Variants in TASP1 observed in about 807,000 individuals in gnomAD.
TASP1 encodes the protein threonine aspartase 1.
Under a neutral mutation model 56.6 loss-of-function variants are expected in TASP1, and 16 were observed. The ratio of observed to expected loss-of-function variants is 0.28; its 90% CI spans 0.19 to 0.43. TASP1 has a LOEUF of 0.43. TASP1 is among the 20% of genes least tolerant of loss of function. The pLI, the probability that TASP1 is intolerant of heterozygous loss-of-function variation, is 1.00. For synonymous variants in TASP1, 179 were observed against 184.2 expected, an observed-to-expected ratio of 0.97 and a Z score of 0.23; for missense variants, 393 against 511.6, an observed-to-expected ratio of 0.77 and a Z score of 2.24.
the TASP1 span, among the ~76,000 whole-genome samples, chr20:13,152,010 C>T: frequency 2.6e-5 from 4 of 152,126 alleles, no homozygotes; most frequent in South Asian, 8.3e-4. Context: ...TAATCATAAT[C>T]CAAACAGCTG....
At chr20:13,134,919 G>A in the TASP1 span, among the ~76,000 whole-genome samples, 41 of 152,290 alleles carry the variant, frequency 2.7e-4, no homozygotes, top group East Asian at 7.5e-3. Context: ...CACCTTGCCT[G>A]TCCTTCAGTC....
the TASP1 span, among the ~76,000 whole-genome samples, chr20:13,380,188 G>A: frequency 6.6e-6 from 1 of 152,152 alleles, no homozygotes; most frequent in African/African-American, 2.4e-5. Flanking sequence ...TTTTGTGCTG[G>A]TTTTTCCTCA....
chr20:13,207,033 C>A, the TASP1 span, among the ~76,000 whole-genome samples: 1 of 152,250 alleles, frequency 6.6e-6, no homozygotes, highest in Middle Eastern at 3.4e-3. Flanking sequence ...TAAATAGGAA[C>A]CTGCATCATG....
the TASP1 span, among the ~76,000 whole-genome samples, chr20:13,357,608 C>T: frequency 6.6e-6 from 1 of 152,242 alleles, no homozygotes; most frequent in African/African-American, 2.4e-5. Flanking sequence ...GTCTTATATA[C>T]ACGTAAAATA....
intron 10 of TASP1, among the ~76,000 whole-genome samples, chr20:13,502,911 C>A (rs930555222): frequency 6.6e-6 from 1 of 152,000 alleles, no homozygotes. Flanking sequence ...GAGGGATGAC[C>A]CTTATCGCCC....
chr20:13,382,632 G>A, the TASP1 span, among the ~76,000 whole-genome samples: 1 of 152,212 alleles, frequency 6.6e-6, no homozygotes, highest in East Asian at 1.9e-4. Flanking sequence ...GGCAACAGAG[G>A]GAGACCTTGT....
At chr20:13,362,546 C>T in the TASP1 span, among the ~76,000 whole-genome samples, 3 of 148,308 alleles carry the variant, frequency 2.0e-5, no homozygotes, top group African/African-American at 7.7e-5. Context: ...CCTTTACCTA[C>T]CCAAATCCTA....
At chr20:13,132,836 G>T in the TASP1 span, 1 of 151,922 alleles carries the variant, frequency 6.6e-6, no homozygotes, top group Non-Finnish European at 1.5e-5. Flanking sequence ...CAGCCACCGA[G>T]CCTCAACCCA....
chr20:13,210,685 C>T, the TASP1 span, among the ~76,000 whole-genome samples: 1 of 150,860 alleles, frequency 6.6e-6, no homozygotes, highest in East Asian at 2.0e-4. Flanking sequence ...AAACAATAAT[C>T]ATCTTTAGGT....
At chr20:13,540,930 A>C (rs915222367) in intron 8 of TASP1, among the ~76,000 whole-genome samples, 1 of 150,634 alleles carries the variant, frequency 6.6e-6, no homozygotes, top group Non-Finnish European at 1.5e-5. Context: ...ACAAAACCAA[A>C]CATTCAAAAC....
chr20:13,450,782 C>A (rs1474494429), intron 11 of TASP1, among the ~76,000 whole-genome samples: 2 of 152,020 alleles, frequency 1.3e-5, no homozygotes, highest in African/African-American at 4.8e-5. Context: ...TTATTTTGAC[C>A]TCTTCCCATG....
the TASP1 span, chr20:13,159,946 ATT>A: frequency 2.8e-6 from 4 of 1,449,120 alleles, no homozygotes; most frequent in South Asian, 4.8e-5. Flanking sequence ...TGTCAGGATA[ATT>A]TTGTCTTTTC....
At chr20:13,525,031 A>T (rs1174247043) in intron 10 of TASP1, among the ~76,000 whole-genome samples, 1 of 152,134 alleles carries the variant, frequency 6.6e-6, no homozygotes, top group Admixed American at 6.5e-5. Context: ...CTAATTCTAT[A>T]TTTTCCTGTA....
chr20:13,501,932 G>T (rs1171469473), intron 10 of TASP1, among the ~76,000 whole-genome samples: 1 of 151,802 alleles, frequency 6.6e-6, no homozygotes, highest in East Asian at 1.9e-4. Flanking sequence ...GAGACAAAGA[G>T]AATATTTTAT....
At chr20:13,164,307 G>A in the TASP1 span, 1 of 471,086 alleles carries the variant, frequency 2.1e-6, no homozygotes, top group South Asian at 1.6e-5. Flanking sequence ...TGAGAGGACA[G>A]AGGATGATGT....
At chr20:13,152,106 C>A in the TASP1 span, among the ~76,000 whole-genome samples, 1 of 152,124 alleles carries the variant, frequency 6.6e-6, no homozygotes, top group Non-Finnish European at 1.5e-5. Flanking sequence ...GAGGGGCTAA[C>A]AACACAGATT....
At chr20:13,160,469 C>T in the TASP1 span, among the ~76,000 whole-genome samples, 1 of 152,154 alleles carries the variant, frequency 6.6e-6, no homozygotes, top group Non-Finnish European at 1.5e-5. Context: ...TACATGCATC[C>T]TGACATTTTT....
the TASP1 span, among the ~76,000 whole-genome samples, chr20:13,302,313 C>G: frequency 2.0e-5 from 3 of 152,136 alleles, no homozygotes; most frequent in Non-Finnish European, 4.4e-5. Flanking sequence ...CTGAGAACAC[C>G]CTGGTCTCCC....
chr20:13,454,570 G>T (rs1310807238), intron 11 of TASP1, among the ~76,000 whole-genome samples: 1 of 152,140 alleles, frequency 6.6e-6, no homozygotes, highest in African/African-American at 2.4e-5. Flanking sequence ...GTGAGTTACT[G>T]CTCCCCATCA....
Sources: gnomAD v4.1 joint callset for allele counts (sites outside exome capture counted in the v4.1 genomes callset) on GRCh38, gnomAD v4.1.1 for gene constraint, MANE v1.5 for transcripts, NCBI Gene and HGNC (gene_info 2026-07-23, HGNC 2026-07-21) for gene names.